LYN: variants seen among roughly 807,000 people sequenced by gnomAD.
The protein encoded by LYN is LYN proto-oncogene, Src family tyrosine kinase.
In LYN, 12 loss-of-function variants were observed where a neutral mutation model predicts 65.0. The ratio of observed to expected loss-of-function variants is 0.18; its 90% CI spans 0.12 to 0.30. The LOEUF is 0.30. Among genes scored for constraint, LYN ranks in the 10% least tolerant of loss-of-function variants. LYN has a pLI of 1.00. For missense variants in LYN, 380 were observed against 623.2 expected (o/e 0.61, Z 4.16); for synonymous variants, 222 against 221.2 (o/e 1.00, Z -0.03).
chr8:55,987,255 T>TA (rs1295274456), intron 10 of LYN, among the ~76,000 whole-genome samples: 5 of 151,454 alleles, frequency 3.3e-5, no homozygotes, highest in South Asian at 2.1e-4. Context: ...TCTACTAAAA[T>TA]AAAAAAAATT....
chr8:55,925,371 G>A (rs976819923), intron 1 of LYN, among the ~76,000 whole-genome samples: 3 of 152,094 alleles, frequency 2.0e-5, no homozygotes, highest in East Asian at 1.9e-4. Context: ...CAGTCCTCCC[G>A]CCTCACCTCT....
chr8:55,884,521 A>C (rs1385205222), intron 1 of LYN, among the ~76,000 whole-genome samples: 1 of 151,908 alleles, frequency 6.6e-6, no homozygotes, highest in Non-Finnish European at 1.5e-5. Flanking sequence ...CTTTGGCGTG[A>C]TCCCAGTTCA....
At chr8:55,909,010 T>TATATAC (rs1207340613) in intron 1 of LYN, among the ~76,000 whole-genome samples, 10 of 32,250 alleles carry the variant, frequency 3.1e-4, no homozygotes, top group South Asian at 1.8e-3. Context: ...TATATATATA[T>TATATAC]ACACACACAC....
rs530784265 is a variant in LYN at position 55,945,100 on chromosome 8, T to G, written c.133-1348T>G. On this transcript the variant is annotated intron_variant, in intron 2 of 12. Coordinates refer to ENST00000519728, the MANE Select transcript of LYN (RefSeq NM_002350.4). ...CTATGGATTGATTAAAAGGGGAATT[T>G]GATGAGAAGGTGAGGTAGGGTTGAT... Among the ~76,000 whole-genome samples the G allele has an allele frequency of 5.9e-5, 9 of 152,244 alleles. No individual in the cohort carries two copies. In the East Asian group the frequency reaches 1.7e-3, roughly 29 times the overall value.
At chr8:55,943,381 G>A (rs1427098620) in intron 2 of LYN, among the ~76,000 whole-genome samples, 1 of 152,010 alleles carries the variant, frequency 6.6e-6, no homozygotes, top group African/African-American at 2.4e-5. Context: ...TTTGAGACCA[G>A]CCTGGCCAAC....
At chr8:56,000,769 C>T (rs1222528890) in intron 12 of LYN, among the ~76,000 whole-genome samples, 1 of 150,482 alleles carries the variant, frequency 6.6e-6, no homozygotes, top group Non-Finnish European at 1.5e-5. Flanking sequence ...GGATTTCTCC[C>T]AGAGCCTTCA....
rs558358197 is a variant in LYN at position 55,917,245 on chromosome 8, G to T, written c.-5-24610G>T. Reference sequence around the variant, plus strand: ...CTGTCACCCAGGCTGGAGTGCAGTGGTGTGATTGTAGGTCACTGCAGCCTT... The same window carrying T: ...CTGTCACCCAGGCTGGAGTGCAGTGTTGTGATTGTAGGTCACTGCAGCCTT... On this transcript the variant is annotated intron_variant, in intron 1 of 12. Transcript: ENST00000519728. Among the ~76,000 whole-genome samples the T allele has an allele frequency of 1.5e-4, 23 of 151,872 alleles. No homozygotes were observed. In the South Asian group the frequency reaches 4.8e-3, roughly 32 times the overall value.
chr8:55,913,118 A>C (rs1805688136), intron 1 of LYN, among the ~76,000 whole-genome samples: 2 of 152,204 alleles, frequency 1.3e-5, no homozygotes, highest in African/African-American at 4.8e-5. Flanking sequence ...TCATATCCAA[A>C]AACCTTTTTG....
chr8:55,921,188 A>G (rs1458940715), intron 1 of LYN, among the ~76,000 whole-genome samples: 2 of 152,224 alleles, frequency 1.3e-5, no homozygotes, highest in African/African-American at 2.4e-5. Flanking sequence ...AATATATTCT[A>G]TTACGGAATT....
chr8:55,982,968 T>G (rs1004039383), intron 10 of LYN, among the ~76,000 whole-genome samples: 6 of 151,914 alleles, frequency 3.9e-5, no homozygotes, highest in African/African-American at 1.4e-4. Flanking sequence ...TCTTCTCTCC[T>G]CCCCTAGCTT....
chr8:55,976,360 G>GGAAA (rs1205781387), intron 10 of LYN, among the ~76,000 whole-genome samples: 3 of 150,748 alleles, frequency 2.0e-5, no homozygotes, highest in Non-Finnish European at 4.4e-5. Flanking sequence ...AAGGAAGGAA[G>GGAAA]GAAAGAAAGA....
chr8:55,972,768 A>G (rs973461660), intron 10 of LYN, among the ~76,000 whole-genome samples: 1 of 152,232 alleles, frequency 6.6e-6, no homozygotes, highest in African/African-American at 2.4e-5. Flanking sequence ...TGGGGCCCAG[A>G]TACTTCGATA....
intron 10 of LYN, among the ~76,000 whole-genome samples, chr8:55,985,033 G>C (rs977003298): frequency 1.3e-5 from 2 of 152,184 alleles, no homozygotes; most frequent in African/African-American, 4.8e-5. Context: ...AGCCGCAGGG[G>C]TCCTGTGGGC....
chr8:55,986,198 A>C (rs1808069361), intron 10 of LYN, among the ~76,000 whole-genome samples: 1 of 147,474 alleles, frequency 6.8e-6, no homozygotes, highest in Non-Finnish European at 1.5e-5. Flanking sequence ...CCCCCGCAAA[A>C]AAAAACGCTA....
chr8:56,011,421 T>G lies in LYN; in HGVS notation c.*1311T>G, dbSNP rs1315054225. On this transcript the variant is annotated 3_prime_UTR_variant, in exon 13 of 13. Transcript: ENST00000519728. Reference sequence around the variant, plus strand: ...TTTGCATTTACATTTTCAGCTGTGGTCAGTGTAAAAATTGGTCATCAGCTG... The same window carrying G: ...TTTGCATTTACATTTTCAGCTGTGGGCAGTGTAAAAATTGGTCATCAGCTG... 1 of 208,904 alleles carries G rather than the reference T, an allele frequency of 4.8e-6. No individual in the cohort carries two copies. The highest frequency in any genetic ancestry group is 2.3e-5 in the African/African-American group (1 of 44,026). The allele number at this position is 208,904 out of a possible 1,614,324, so 12.9% of individuals were successfully genotyped here.
chr8:55,914,114 G>A (rs969538990), intron 1 of LYN, among the ~76,000 whole-genome samples: 4 of 152,104 alleles, frequency 2.6e-5, no homozygotes, highest in Non-Finnish European at 4.4e-5. Flanking sequence ...GTGTGTGTGT[G>A]TGCACGTATG....
intron 1 of LYN, among the ~76,000 whole-genome samples, chr8:55,913,489 C>T (rs776401006): frequency 2.0e-5 from 3 of 152,150 alleles, no homozygotes; most frequent in Non-Finnish European, 4.4e-5. Flanking sequence ...TTGAATAAAA[C>T]GATTAAAGTT....
intron 8 of LYN, among the ~76,000 whole-genome samples, chr8:55,954,843 TAAATAA>T (rs928274971): frequency 5.7e-4 from 38 of 66,230 alleles, no homozygotes; most frequent in African/African-American, 2.2e-3. Flanking sequence ...TCAAAATAAA[TAAATAA>T]ATAAATAAAT....
chr8:55,958,910 T>C (rs1807198198), intron 8 of LYN, among the ~76,000 whole-genome samples: 1 of 152,260 alleles, frequency 6.6e-6, no homozygotes, highest in Non-Finnish European at 1.5e-5. Context: ...AATTTGCCAC[T>C]GTGAACATGG....
Sources: allele counts gnomAD v4.1 joint callset (sites outside exome capture counted in the v4.1 genomes callset), GRCh38; gene constraint gnomAD v4.1.1; transcripts MANE v1.5; gene names NCBI Gene and HGNC (gene_info 2026-07-23, HGNC 2026-07-21).